The following CAMKK2 variants were observed in gnomAD, a reference collection of about 807,000 sequenced individuals.
The protein encoded by CAMKK2 is calcium/calmodulin-dependent protein kinase kinase 2.
CAMKK2 carries 30 observed loss-of-function variants against 67.2 expected under a neutral mutation model. The ratio of observed to expected loss-of-function variants is 0.45; its 90% CI spans 0.33 to 0.61. CAMKK2 has a LOEUF of 0.61. Among genes scored for constraint, CAMKK2 ranks in the 20% least tolerant of loss-of-function variants. CAMKK2 has a pLI of 0.02. For missense variants in CAMKK2, 643 were observed against 802.0 expected (o/e 0.80, Z 2.39); for synonymous variants, 322 against 326.2 (o/e 0.99, Z 0.14).
At chr12:121,254,471 A>T (rs1204099286) in intron 9 of CAMKK2, among the ~76,000 whole-genome samples, 1 of 151,974 alleles carries the variant, frequency 6.6e-6, no homozygotes, top group Non-Finnish European at 1.5e-5. Flanking sequence ...AAAAAGAGCT[A>T]AGATGTTTAA....
At position 121,245,715 on chromosome 12, in the gene CAMKK2, C is replaced by T. The variant is rs1034783482; in HGVS notation, c.1453-475G>A. 1.3e-5 allele frequency among the ~76,000 whole-genome samples: 2 copies of T among 152,182 alleles called. No homozygotes were observed. Among genetic ancestry groups the T allele is most frequent in the Admixed American group, 1.3e-4 (2 of 15,286 alleles). On this transcript the variant is annotated intron_variant, in intron 14 of 16. Coordinates refer to ENST00000404169, the MANE Select transcript of CAMKK2 (RefSeq NM_001270485.2). This position sits in a 1 kb window ranked among gnomAD's most constrained non-coding sequence, Gnocchi z 5.8. ...GAGGGCCCCATAAGAGTCACTGGGCCCCTCACCCCACCCCAACCAGGGCAC... is the reference window on the plus strand; with the variant it reads ...GAGGGCCCCATAAGAGTCACTGGGCTCCTCACCCCACCCCAACCAGGGCAC...
chr12:121,247,213 TA>T (rs1176636132), intron 14 of CAMKK2, among the ~76,000 whole-genome samples: 1 of 152,024 alleles, frequency 6.6e-6, no homozygotes, highest in Non-Finnish European at 1.5e-5. Flanking sequence ...GTGCCTCCAT[TA>T]GGGGCATGTC....
upstream of CAMKK2, chr12:121,297,559 G>A (rs1405652234): frequency 3.9e-6 from 2 of 513,820 alleles, no homozygotes; most frequent in South Asian, 1.4e-5. Context: ...CCTTAAGTGT[G>A]CGTTGGATCC....
intron 1 of CAMKK2, 63 bp from the exon 2 acceptor site, chr12:121,274,648 TCTC>T: frequency 1.5e-6 from 1 of 665,672 alleles, no homozygotes. Context: ...AAGGATCCCC[TCTC>T]CTCCTGGCCC....
intron 1 of CAMKK2, among the ~76,000 whole-genome samples, chr12:121,286,472 T>C (rs1653437681): frequency 6.6e-6 from 1 of 152,256 alleles, no homozygotes; most frequent in South Asian, 2.1e-4. Context: ...ACTCTTCTAA[T>C]CCTGCATCAT....
At chr12:121,248,571 G>T (rs1364791859) in intron 14 of CAMKK2, 35 bp downstream of exon 14, 6 of 1,613,360 alleles carry the variant, frequency 3.7e-6, no homozygotes, top group Non-Finnish European at 5.1e-6. Context: ...AGGCTCCTGG[G>T]TCCCTGCTCT....
intron 1 of CAMKK2, among the ~76,000 whole-genome samples, chr12:121,290,283 G>A (rs778305213): frequency 6.6e-6 from 1 of 152,178 alleles, no homozygotes; most frequent in Admixed American, 6.5e-5. Flanking sequence ...CTCCACTCAC[G>A]GCCACAGGGC....
At chr12:121,265,789 T>C (rs112493212) in intron 5 of CAMKK2, among the ~76,000 whole-genome samples, 7,149 of 149,660 alleles carry the variant, frequency 0.048, 530 homozygotes, top group African/African-American at 0.16. Flanking sequence ...ACCCAGGAGG[T>C]GAAGTTTGCA....
chr12:121,260,601 C>T (rs1185989630), intron 6 of CAMKK2: 18 of 534,840 alleles, frequency 3.4e-5, no homozygotes, highest in Non-Finnish European at 5.2e-5. Flanking sequence ...CTCAGGAGGT[C>T]GCAAAAGGGA....
intron 7 of CAMKK2, among the ~76,000 whole-genome samples, chr12:121,256,336 A>G (rs2393846): frequency 0.29 from 44,736 of 152,010 alleles, 7,815 homozygotes; most frequent in East Asian, 0.5. Context: ...CCAAGATTGC[A>G]CCCCTGCACT....
chr12:121,262,799 A>T (rs540456447), intron 6 of CAMKK2, among the ~76,000 whole-genome samples: 1 of 152,176 alleles, frequency 6.6e-6, no homozygotes, highest in Non-Finnish European at 1.5e-5. Flanking sequence ...TCCTCAGGTG[A>T]TCCTCCCACC....
intron 1 of CAMKK2, among the ~76,000 whole-genome samples, chr12:121,274,817 TTTG>T (rs1484189241): frequency 6.6e-6 from 1 of 150,668 alleles, no homozygotes; most frequent in Non-Finnish European, 1.5e-5. Flanking sequence ...TTTTTTTTTT[TTTG>T]AGACAAGGTC....
intron 16 of CAMKK2, among the ~76,000 whole-genome samples, chr12:121,242,069 T>C (rs547285246): frequency 3.6e-4 from 55 of 152,286 alleles, no homozygotes; most frequent in African/African-American, 1.3e-3. Context: ...CAGTGGCTCA[T>C]GCCTGTAATC....
At chr12:121,275,069 T>C (rs1431553832) in intron 1 of CAMKK2, among the ~76,000 whole-genome samples, 3 of 152,188 alleles carry the variant, frequency 2.0e-5, no homozygotes, top group Non-Finnish European at 4.4e-5. Flanking sequence ...CTCAAGCCAA[T>C]TGTTGCTCGG....
chr12:121,255,636 G>A lies in CAMKK2; in HGVS notation c.821C>T (p.Pro274Leu). The A allele has an allele frequency of 6.2e-7, 1 of 1,612,466 alleles. No homozygotes were observed. The highest frequency in any genetic ancestry group is 2.2e-5 in the East Asian group (1 of 44,802). ...YMVFELVNQGPVMEVPTLKPL... is the reference protein window; with the variant it reads ...YMVFELVNQGLVMEVPTLKPL... ...TTTGAGGGTGGGCACTTCCATCACG[G>A]GCCTGAAAGGTCGACACTCATGTGA... Residue 274 changes from proline (P) to leucine (L), a missense_variant and splice_region_variant, in exon 9 of 17, where the codon CCC (proline) becomes CTC (leucine). Pro to Leu is a moderately conservative substitution (Grantham distance 98, BLOSUM62 -3). Coordinates refer to ENST00000404169, the MANE Select transcript of CAMKK2 (RefSeq NM_001270485.2).
At chr12:121,251,512 A>G (rs952314856) in intron 11 of CAMKK2, among the ~76,000 whole-genome samples, 4 of 152,138 alleles carry the variant, frequency 2.6e-5, no homozygotes, top group Non-Finnish European at 5.9e-5. Context: ...CACATAATCA[A>G]ACTGAACTTC....
In CAMKK2 at chr12:121,296,541, C is replaced by G. The variant is rs917337993; in HGVS notation, c.-60+97G>C. On this transcript the variant is annotated intron_variant, in intron 1 of 16. Transcript: ENST00000404169. The surrounding 1 kb of genome is among the most constrained non-coding windows in gnomAD (Gnocchi z 7.1). ...CAGCCTCCGGGCTTTGTGTGCCATGCCGGCGGCGGTCCCCCGCCTCGAGAG... is the reference window on the plus strand; with the variant it reads ...CAGCCTCCGGGCTTTGTGTGCCATGGCGGCGGCGGTCCCCCGCCTCGAGAG... 1.3e-5 allele frequency: 2 copies of G among 151,898 alleles called. No individual in the cohort carries two copies. The highest frequency in any genetic ancestry group is 2.9e-5 in the Non-Finnish European group (2 of 67,894). The allele number at this position is 151,898 out of a possible 1,614,324, so 9.4% of individuals were successfully genotyped here.
chr12:121,247,855 G>A (rs551851529), intron 14 of CAMKK2, among the ~76,000 whole-genome samples: 40 of 152,284 alleles, frequency 2.6e-4, no homozygotes, highest in Non-Finnish European at 4.0e-4. Flanking sequence ...GGGGCCCGCC[G>A]GCCCACTGGG....
At chr12:121,294,943 G>T (rs1260878265) in intron 1 of CAMKK2, among the ~76,000 whole-genome samples, 1 of 152,180 alleles carries the variant, frequency 6.6e-6, no homozygotes, top group African/African-American at 2.4e-5. Flanking sequence ...ACTGACGTAG[G>T]CGGATCACTT....
Sources: gnomAD v4.1 joint callset for allele counts (sites outside exome capture counted in the v4.1 genomes callset) on GRCh38, gnomAD v4.1.1 for gene constraint, Gnocchi (gnomAD v3.1) non-coding constraint, MANE v1.5 for transcripts, NCBI Gene and HGNC (gene_info 2026-07-23, HGNC 2026-07-21) for gene names.